The following LRRC4C variants were observed in gnomAD, a reference collection of about 807,000 sequenced individuals.
LRRC4C encodes the protein leucine rich repeat containing 4C, also known as leucine-rich repeat-containing protein 4C.
Under a neutral mutation model 33.6 loss-of-function variants are expected in LRRC4C, and 5 were observed. The ratio of observed to expected loss-of-function variants is 0.15; its 90% CI spans 0.08 to 0.31. The LOEUF (loss-of-function observed/expected upper bound fraction) is 0.31. Ranked by LOEUF, LRRC4C falls within the 10% of genes least tolerant of loss-of-function variation. The pLI is 1.00. For synonymous variants in LRRC4C, 329 were observed against 302.0 expected (o/e 1.09, Z -0.93); for missense variants, 560 against 796.7 (o/e 0.70, Z 3.58).
At chr11:40,143,192 G>C (rs973766910) in intron 5 of LRRC4C, among the ~76,000 whole-genome samples, 1 of 151,926 alleles carries the variant, frequency 6.6e-6, no homozygotes, top group Non-Finnish European at 1.5e-5. Flanking sequence ...GCTATGTCTT[G>C]GTCCAATTTC....
chr11:41,239,750 T>C (rs1333977071), intron 1 of LRRC4C, among the ~76,000 whole-genome samples: 1 of 152,244 alleles, frequency 6.6e-6, no homozygotes, highest in Admixed American at 6.5e-5. Context: ...GTCAGGGATT[T>C]TGTATATATA....
chr11:40,912,862 C>A (rs1365683460), intron 2 of LRRC4C, among the ~76,000 whole-genome samples: 1 of 151,878 alleles, frequency 6.6e-6, no homozygotes, highest in Non-Finnish European at 1.5e-5. Context: ...ATCTACCAAG[C>A]CAATGGAAAA....
intron 3 of LRRC4C, among the ~76,000 whole-genome samples, chr11:40,335,599 G>A (rs896177530): frequency 5.9e-5 from 9 of 152,258 alleles, no homozygotes; most frequent in Non-Finnish European, 1.2e-4. Context: ...ATTGTTAGAT[G>A]TGCCAAATTC....
At chr11:40,672,423 T>A (rs1449314691) in intron 2 of LRRC4C, among the ~76,000 whole-genome samples, 1 of 152,212 alleles carries the variant, frequency 6.6e-6, no homozygotes, top group Non-Finnish European at 1.5e-5. Flanking sequence ...ACCATAGCAG[T>A]GGTTCTAACA....
At chr11:40,220,155 A>G (rs2135917927) in intron 5 of LRRC4C, among the ~76,000 whole-genome samples, 1 of 152,312 alleles carries the variant, frequency 6.6e-6, no homozygotes, top group East Asian at 1.9e-4. Flanking sequence ...TAATTGTCCA[A>G]ATACCTATGA....
intron 1 of LRRC4C, among the ~76,000 whole-genome samples, chr11:41,009,097 T>C (rs1854980056): frequency 6.6e-6 from 1 of 152,110 alleles, no homozygotes; most frequent in Non-Finnish European, 1.5e-5. Flanking sequence ...AGAAGAATTC[T>C]TTTTAAATTT....
chr11:40,406,831 C>T lies in LRRC4C; in HGVS notation c.-269-87110G>A, dbSNP rs115161226. Among the ~76,000 whole-genome samples, 1,114 of 152,144 alleles carry T rather than the reference C, an allele frequency of 7.3e-3. 13 individuals carry two copies. The highest frequency in any genetic ancestry group is 0.025 in the African/African-American group (1,054 of 41,510). On this transcript the variant is annotated intron_variant, in intron 3 of 6. Transcript: ENST00000528697. ...TACTATTTAAGACAACTATTGTATG[C>T]TAAGGCTAGTAGCAAGGAAATATGA...
chr11:41,326,006 C>T (rs1351913419), intron 1 of LRRC4C, among the ~76,000 whole-genome samples: 2 of 151,928 alleles, frequency 1.3e-5, no homozygotes, highest in Non-Finnish European at 2.9e-5. Context: ...TATGGAGTGT[C>T]AACTTGATTG....
At chr11:41,390,630 A>T (rs1953553181) in intron 1 of LRRC4C, among the ~76,000 whole-genome samples, 1 of 151,846 alleles carries the variant, frequency 6.6e-6, no homozygotes, top group Non-Finnish European at 1.5e-5. Context: ...TTAGGTGTCA[A>T]ATTCATCATC....
chr11:40,943,038 C>G (rs1000680790), intron 1 of LRRC4C, among the ~76,000 whole-genome samples: 5 of 152,084 alleles, frequency 3.3e-5, no homozygotes, highest in African/African-American at 4.8e-5. Context: ...TCTATCTTGG[C>G]CCACATGTAT....
At position 40,457,232 on chromosome 11, in the gene LRRC4C, TA is replaced by T. The variant is rs1238096369; in HGVS notation, c.-269-137512del. On this transcript the variant is annotated intron_variant, in intron 3 of 6. Coordinates refer to ENST00000528697, the MANE Select transcript of LRRC4C (RefSeq NM_001258419.2). ...ATTGATATGAAGTAGAGAACAATTA[TA>T]AAAAAATTTAAAAATTACAGAAAGG... Among the ~76,000 whole-genome samples, 6 of 151,388 alleles carry T rather than the reference TA, an allele frequency of 4.0e-5. No individual in the cohort carries two copies. The South Asian group carries it at 1.0e-3, about 26-fold the overall frequency.
chr11:40,784,486 C>A (rs1950332385), intron 2 of LRRC4C, among the ~76,000 whole-genome samples: 1 of 152,122 alleles, frequency 6.6e-6, no homozygotes, highest in Non-Finnish European at 1.5e-5. Flanking sequence ...TATTAGATCT[C>A]ATTTTTTCTG....
chr11:41,122,189 C>T (rs141585030), intron 1 of LRRC4C, among the ~76,000 whole-genome samples: 145 of 152,244 alleles, frequency 9.5e-4, no homozygotes, highest in Non-Finnish European at 1.8e-3. Flanking sequence ...TACTGCTGAA[C>T]TCTAGACACA....
At chr11:40,706,784 C>A (rs61886846) in intron 2 of LRRC4C, among the ~76,000 whole-genome samples, 7,020 of 152,116 alleles carry the variant, frequency 0.046, 197 homozygotes, top group Non-Finnish European at 0.067. Context: ...CATTGAATCT[C>A]TAAATTACCT....
intron 3 of LRRC4C, among the ~76,000 whole-genome samples, chr11:40,444,855 C>T (rs1378497269): frequency 6.6e-6 from 1 of 152,164 alleles, no homozygotes; most frequent in Non-Finnish European, 1.5e-5. Context: ...CAAAACAGAT[C>T]ACACATCTGA....
At chr11:40,180,000 T>C (rs536254174) in intron 5 of LRRC4C, among the ~76,000 whole-genome samples, 5 of 152,162 alleles carry the variant, frequency 3.3e-5, no homozygotes, top group Admixed American at 2.0e-4. Context: ...ATTTGACACA[T>C]TTTCCTCAGG....
At chr11:41,161,043 G>A (rs1944448647) in intron 1 of LRRC4C, among the ~76,000 whole-genome samples, 1 of 152,166 alleles carries the variant, frequency 6.6e-6, no homozygotes, top group Admixed American at 6.6e-5. Context: ...AAACAGAGCA[G>A]CAGTTCTGTA....
rs912278486 is a variant in LRRC4C, at chr11:40,473,631, G to C, written c.-269-153910C>G. Among the ~76,000 whole-genome samples the C allele has an allele frequency of 5.1e-4, 77 of 152,010 alleles. 1 individual carries two copies. The highest frequency in any genetic ancestry group is 1.6e-3 in the African/African-American group (67 of 41,372). On this transcript the variant is annotated intron_variant, in intron 3 of 6. Transcript: ENST00000528697. ...AAGTAGGCAAGAGAAAGAAATAAAG[G>C]GTACTCAAATAGGAAGAGGGGAAAT...
At chr11:40,841,843 TG>T (rs1952930537) in intron 2 of LRRC4C, among the ~76,000 whole-genome samples, 1 of 152,338 alleles carries the variant, frequency 6.6e-6, no homozygotes, top group Middle Eastern at 3.4e-3. Context: ...AACACTGATT[TG>T]GCCATGTTAG....
Sources: allele counts gnomAD v4.1 joint callset (sites outside exome capture counted in the v4.1 genomes callset), GRCh38; gene constraint gnomAD v4.1.1; transcripts MANE v1.5; gene names NCBI Gene and HGNC (gene_info 2026-07-23, HGNC 2026-07-21).